Variants in COPZ1 observed in about 807,000 individuals in gnomAD.
The protein encoded by COPZ1 is coat protein complex I subunit zeta 1.
Under a neutral mutation model 31.7 loss-of-function variants are expected in COPZ1, and 4 were observed. The observed-to-expected ratio is 0.13, with a 90% CI of 0.06 to 0.29. The LOEUF is 0.29. Among genes scored for constraint, COPZ1 ranks in the 10% least tolerant of loss-of-function variants. The pLI, the probability that COPZ1 is intolerant of heterozygous loss-of-function variation, is 1.00. For missense variants in COPZ1, 156 were observed against 211.5 expected, an observed-to-expected ratio of 0.74 and a Z score of 1.63; for synonymous variants, 74 against 79.0, an observed-to-expected ratio of 0.94 and a Z score of 0.33.
At chr12:54,350,145 T>G in intron 8 of COPZ1, 1 of 654,504 alleles carries the variant, frequency 1.5e-6, no homozygotes, top group Admixed American at 2.4e-5. Flanking sequence ...CCACTTGGAA[T>G]TCTCACCAAG....
intron 1 of COPZ1, among the ~76,000 whole-genome samples, chr12:54,333,658 G>A (rs1306914993): frequency 1.3e-5 from 2 of 152,016 alleles, no homozygotes; most frequent in Non-Finnish European, 2.9e-5. Context: ...GGGCAACATA[G>A]CAAGACCCTG....
At chr12:54,340,967 G>C (rs1953964046) in intron 2 of COPZ1, among the ~76,000 whole-genome samples, 1 of 152,094 alleles carries the variant, frequency 6.6e-6, no homozygotes, top group Admixed American at 6.6e-5. Flanking sequence ...CCAAAGTGTT[G>C]GGATTACAGG....
At chr12:54,350,105 T>G in intron 8 of COPZ1, 1 of 616,160 alleles carries the variant, frequency 1.6e-6, no homozygotes. Flanking sequence ...CTACCTGATG[T>G]AGGGGGAAGG....
intron 1 of COPZ1, chr12:54,340,339 T>G (rs2137101733): frequency 1.4e-6 from 1 of 732,772 alleles, no homozygotes; most frequent in African/African-American, 1.8e-5. Flanking sequence ...TTTGGAATCC[T>G]TTGTTTAAAT....
At chr12:54,326,667 GTGTGTGTGTGT>G in intron 1 of COPZ1, among the ~76,000 whole-genome samples, 1 of 150,058 alleles carries the variant, frequency 6.7e-6, no homozygotes, top group East Asian at 2.0e-4. Flanking sequence ...GTGTGTGTGT[GTGTGTGTGTGT>G]GTAGGTAGGT....
Position 54,342,306 on chromosome 12 carries a change from AC to A in COPZ1, c.169+20del. The A allele has an allele frequency of 1.3e-6, 2 of 1,580,166 alleles. No homozygotes were observed. The highest frequency in any genetic ancestry group is 1.7e-6 in the Non-Finnish European group (2 of 1,149,128). ...ACTGACAGTAGGTCATTTTCCTTTC[AC>A]TACTACCCGTGCTGGGGGGAACCAT... On this transcript the variant is annotated intron_variant, in intron 3 of 8. Transcript: ENST00000262061.
chr12:54,338,815 CTTG>C (rs1398853965), intron 1 of COPZ1, among the ~76,000 whole-genome samples: 1 of 151,982 alleles, frequency 6.6e-6, no homozygotes. Context: ...TCCTCATCAC[CTTG>C]TTGTCAAAAG....
At position 54,325,141 on chromosome 12, in the gene COPZ1, G is replaced by C; in HGVS notation, c.-23G>C. The C allele has an allele frequency of 1.9e-6, 3 of 1,561,234 alleles. No individual in the cohort carries two copies. Reference sequence around the variant, plus strand: ...GGCGGCGTTTCTTTTGCGGCTCCACGTCGGCACCAGCTGCGGGGCAAGATG... The same window carrying C: ...GGCGGCGTTTCTTTTGCGGCTCCACCTCGGCACCAGCTGCGGGGCAAGATG... On this transcript the variant is annotated 5_prime_UTR_variant, in exon 1 of 9. Coordinates refer to ENST00000262061, the MANE Select transcript of COPZ1 (RefSeq NM_016057.3).
chr12:54,347,939 C>T (rs1407328464), intron 6 of COPZ1, 61 bp from the exon 7 acceptor site: 13 of 1,606,926 alleles, frequency 8.1e-6, no homozygotes, highest in Admixed American at 1.7e-5. Context: ...GGTCCTGTTC[C>T]CCGACAGTGA....
At position 54,351,445 on chromosome 12, in the gene COPZ1, T is replaced by C. The variant is rs376959767; in HGVS notation, c.*922T>C. On this transcript the variant is annotated 3_prime_UTR_variant, in exon 9 of 9. Transcript: ENST00000262061. ...CCCGACATGCATTTACTCTCTGCCGTGGGTCTGCAGTCGCTGCAACCTACC... is the reference window on the plus strand; with the variant it reads ...CCCGACATGCATTTACTCTCTGCCGCGGGTCTGCAGTCGCTGCAACCTACC... 9.8e-5 allele frequency: 15 copies of C among 152,368 alleles called. No individual in the cohort carries two copies. The highest frequency in any genetic ancestry group is 3.4e-4 in the African/African-American group (14 of 41,440). 9.4% of individuals were successfully genotyped at this position (152,368 alleles called of 1,614,324 possible). A position where few individuals can be genotyped will look rare whatever the true frequency, so the allele number is the denominator to read the frequency against.
intron 3 of COPZ1, chr12:54,342,767 G>A (rs1463884438): frequency 5.7e-6 from 1 of 173,970 alleles, no homozygotes; most frequent in Non-Finnish European, 1.2e-5. Context: ...AAAAAGTGCA[G>A]ATCATCTTCT....
intron 2 of COPZ1, 113 bp downstream of exon 2, chr12:54,340,728 A>C: frequency 2.7e-6 from 3 of 1,126,766 alleles, no homozygotes; most frequent in Middle Eastern, 4.1e-4. Context: ...AATTTTGAGA[A>C]TACTTCCATC....
chr12:54,350,493 A>C lies in COPZ1; in HGVS notation c.504A>C (p.Lys168Asn), dbSNP rs757224430. The change falls in exon 9 of 9, where the codon AAA (lysine) becomes AAC (asparagine). Residue 168 changes from lysine to asparagine, a missense_variant. Transcript: ENST00000262061. ...QTVSQVLQSA[K>N]EQIKWSLLR ...CTCTGCAGGTGCTGCAGTCAGCCAA[A>C]GAACAGATCAAGTGGTCACTCCTTC... 1 of 1,614,158 alleles carries C rather than the reference A, an allele frequency of 6.2e-7. No homozygotes were observed. The highest frequency in any genetic ancestry group is 8.5e-7 in the Non-Finnish European group (1 of 1,179,988).
At chr12:54,342,364 G>GTCATTTCATCCTTTCTCTGC in intron 3 of COPZ1, 77 bp downstream of exon 3, 1 of 1,039,252 alleles carries the variant, frequency 9.6e-7, no homozygotes, top group Non-Finnish European at 1.5e-6. Flanking sequence ...GGGCTGCAGA[G>GTCATTTCATCCTTTCTCTGC]AAAGGATGAA....
At chr12:54,332,774 G>A (rs1235703482) in intron 1 of COPZ1, among the ~76,000 whole-genome samples, 1 of 151,586 alleles carries the variant, frequency 6.6e-6, no homozygotes, top group Non-Finnish European at 1.5e-5. Context: ...GCTGGAGGGA[G>A]CGTGGTTGCT....
intron 2 of COPZ1, among the ~76,000 whole-genome samples, chr12:54,341,021 C>G (rs568390910): frequency 6.6e-6 from 1 of 152,274 alleles, no homozygotes; most frequent in South Asian, 2.1e-4. Context: ...TCTTATCTTG[C>G]CTACTCCAGA....
intron 1 of COPZ1, among the ~76,000 whole-genome samples, chr12:54,330,364 G>A (rs964308038): frequency 2.6e-5 from 4 of 152,122 alleles, no homozygotes; most frequent in Admixed American, 1.3e-4. Flanking sequence ...GCAGACCTCG[G>A]CTTGAACTAA....
intron 4 of COPZ1, 97 bp from the exon 5 acceptor site, chr12:54,345,362 GT>G: frequency 2.5e-6 from 2 of 814,508 alleles, no homozygotes; most frequent in Middle Eastern, 2.3e-4. Flanking sequence ...GTGAAAGCCT[GT>G]GTCTTTTGAT....
intron 1 of COPZ1, among the ~76,000 whole-genome samples, chr12:54,328,459 A>G (rs1265880442): frequency 6.6e-6 from 1 of 151,834 alleles, no homozygotes; most frequent in Non-Finnish European, 1.5e-5. Context: ...CCAGCTACTC[A>G]GGAAGCTGAG....
Sources: allele counts gnomAD v4.1 joint callset (sites outside exome capture counted in the v4.1 genomes callset), GRCh38; gene constraint gnomAD v4.1.1; transcripts MANE v1.5; gene names NCBI Gene and HGNC (gene_info 2026-07-23, HGNC 2026-07-21).